ITGB3BP: variants seen among roughly 807,000 people sequenced by gnomAD.
The protein encoded by ITGB3BP is centromere protein R.
Under a neutral mutation model 29.1 loss-of-function variants are expected in ITGB3BP, and 27 were observed. That is an observed-to-expected ratio of 0.93 (90% confidence interval 0.68 to 1.28). The LOEUF is 1.28. Among genes scored for constraint, ITGB3BP ranks in the 50% most tolerant of loss-of-function variants. ITGB3BP has a pLI of 0.00. For missense variants in ITGB3BP, 192 were observed against 200.2 expected (o/e 0.96, Z 0.25); for synonymous variants, 61 against 61.4 (o/e 0.99, Z 0.03).
intron 3 of ITGB3BP, among the ~76,000 whole-genome samples, chr1:63,481,702 C>A (rs1420348668): frequency 6.6e-6 from 1 of 152,208 alleles, no homozygotes; most frequent in Non-Finnish European, 1.5e-5. Context: ...TAGCTTTCAA[C>A]AAATTGTTAA....
intron 7 of ITGB3BP, chr1:63,452,010 T>C (rs1196922674): frequency 6.6e-6 from 1 of 152,136 alleles, no homozygotes; most frequent in East Asian, 1.9e-4. Flanking sequence ...GTCTCCTCTA[T>C]GCAGGAACTC....
intron 2 of ITGB3BP, among the ~76,000 whole-genome samples, chr1:63,504,833 A>T (rs1646033516): frequency 6.6e-6 from 1 of 152,168 alleles, no homozygotes; most frequent in Non-Finnish European, 1.5e-5. Context: ...GCATATGTTG[A>T]ACCAGCCTTG....
chr1:63,479,462 T>C (rs1645400647), intron 3 of ITGB3BP, among the ~76,000 whole-genome samples: 1 of 152,198 alleles, frequency 6.6e-6, no homozygotes, highest in Non-Finnish European at 1.5e-5. Context: ...GTATGAACAC[T>C]GAAAGTCTAC....
intron 1 of ITGB3BP, among the ~76,000 whole-genome samples, chr1:63,518,559 GTTATATCTACC>G (rs1646384670): frequency 6.7e-6 from 1 of 148,726 alleles, no homozygotes; most frequent in East Asian, 2.0e-4. Flanking sequence ...CTGTTAGACT[GTTATATCTACC>G]TTTCCCTTTC....
chr1:63,472,158 A>G (rs1300793130), intron 4 of ITGB3BP, among the ~76,000 whole-genome samples: 3 of 151,320 alleles, frequency 2.0e-5, no homozygotes, highest in Non-Finnish European at 1.5e-5. Flanking sequence ...TGGCATTTCC[A>G]TTATTTTTCG....
At chr1:63,464,307 G>C (rs994624763) in intron 4 of ITGB3BP, among the ~76,000 whole-genome samples, 1 of 152,142 alleles carries the variant, frequency 6.6e-6, no homozygotes, top group Non-Finnish European at 1.5e-5. Flanking sequence ...AACAAATCTT[G>C]AATGCTTTGC....
intron 4 of ITGB3BP, among the ~76,000 whole-genome samples, chr1:63,465,725 T>C (rs1645088789): frequency 6.6e-6 from 1 of 152,154 alleles, no homozygotes; most frequent in Non-Finnish European, 1.5e-5. Flanking sequence ...CTTAAGCATC[T>C]TTTCTCCATG....
chr1:63,451,328 G>A (rs1644856881), intron 7 of ITGB3BP, among the ~76,000 whole-genome samples: 1 of 151,812 alleles, frequency 6.6e-6, no homozygotes, highest in African/African-American at 2.4e-5. Flanking sequence ...ACATATTATA[G>A]GGATGATTTT....
At chr1:63,446,579 C>A (rs182479025) in intron 8 of ITGB3BP, 1 of 496,556 alleles carries the variant, frequency 2.0e-6, no homozygotes, top group Non-Finnish European at 3.7e-6. Flanking sequence ...AAGTTAGCGT[C>A]GTCAGCTCAA....
Position 63,454,043 on chromosome 1 carries a change from AAAC to A in ITGB3BP, c.428-72_428-70del. The A allele has an allele frequency of 2.4e-6, 2 of 824,762 alleles. No homozygotes were observed. The highest frequency in any genetic ancestry group is 2.5e-4 in the Middle Eastern group (1 of 3,944). The allele number at this position is 824,762 out of a possible 1,614,324, so 51.1% of individuals were successfully genotyped here. On this transcript the variant is annotated intron_variant, in intron 6 of 8. Coordinates refer to ENST00000271002, the MANE Select transcript of ITGB3BP (RefSeq NM_014288.5). The surrounding 1 kb of genome is among the most constrained non-coding windows in gnomAD (Gnocchi z 4.1). ...TGGATAATTTCTCAATACTTGCAAC[AAAC>A]AACTTCATGAGAAAAAAATAATTCA...
At chr1:63,499,066 A>G (rs898038544) in intron 2 of ITGB3BP, among the ~76,000 whole-genome samples, 4 of 152,182 alleles carry the variant, frequency 2.6e-5, no homozygotes, top group African/African-American at 9.7e-5. Flanking sequence ...ATAAATCAAC[A>G]GCATGTAAAG....
At chr1:63,486,323 T>C (rs527835845) in intron 3 of ITGB3BP, among the ~76,000 whole-genome samples, 56 of 152,112 alleles carry the variant, frequency 3.7e-4, no homozygotes, top group Non-Finnish European at 7.4e-4. Flanking sequence ...AACTGACCCT[T>C]GAGGAACTCG....
Position 63,446,833 on chromosome 1 carries a change from C to CATAGCTGTCA in ITGB3BP, c.498_507dup (p.Glu170Ter), listed in dbSNP as rs1206143716. On this transcript the variant is annotated stop_gained and frameshift_variant, in exon 8 of 9. Coordinates refer to ENST00000271002, the MANE Select transcript of ITGB3BP (RefSeq NM_014288.5). LOFTEE classifies it high-confidence loss of function. ...CAGTTTAAAATGGCTTTAAGGAATT[C>CATAGCTGTCA]ATAGCTGTCAAGATGACGTGATGCT... is the stretch of plus-strand genomic sequence containing the variant. 1 of 1,611,386 alleles carries CATAGCTGTCA rather than the reference C, an allele frequency of 6.2e-7. No homozygotes were observed. The highest frequency in any genetic ancestry group is 8.5e-7 in the Non-Finnish European group (1 of 1,178,054).
intron 1 of ITGB3BP, among the ~76,000 whole-genome samples, chr1:63,514,921 G>T (rs911838681): frequency 7.1e-6 from 1 of 141,662 alleles, no homozygotes; most frequent in African/African-American, 2.6e-5. Flanking sequence ...ACTCCAGCCT[G>T]GTGACAGAGC....
intron 2 of ITGB3BP, among the ~76,000 whole-genome samples, chr1:63,495,494 T>C (rs1277130594): frequency 6.6e-6 from 1 of 152,180 alleles, no homozygotes; most frequent in Non-Finnish European, 1.5e-5. Flanking sequence ...GCTCCCCAGC[T>C]ATGCTATCAT....
intron 7 of ITGB3BP, chr1:63,449,276 CA>C (rs1644830920): frequency 6.6e-6 from 1 of 152,430 alleles, no homozygotes; most frequent in South Asian, 2.1e-4. Context: ...ACATACTGAG[CA>C]CCTGGATATT....
At chr1:63,523,569 G>T, upstream of ITGB3BP, 1 of 192,192 alleles carries the variant, frequency 5.2e-6, no homozygotes, top group Non-Finnish European at 1.1e-5. Flanking sequence ...GTCCAGCTGC[G>T]GTGAGAGGAA....
At chr1:63,442,067 C>T (rs1462566545) in intron 8 of ITGB3BP, among the ~76,000 whole-genome samples, 2 of 152,124 alleles carry the variant, frequency 1.3e-5, no homozygotes, top group Admixed American at 6.5e-5. Context: ...CCAGCCAGGG[C>T]GACAGAACGA....
intron 8 of ITGB3BP, among the ~76,000 whole-genome samples, chr1:63,444,460 CATATAGGATATATATAT>C (rs1644764796): frequency 2.0e-4 from 2 of 10,074 alleles, no homozygotes; most frequent in East Asian, 7.7e-3. Flanking sequence ...ATATATATTA[CATATAGGATATATATAT>C]TACATATAGG....
Sources: allele counts gnomAD v4.1 joint callset (sites outside exome capture counted in the v4.1 genomes callset), GRCh38; gene constraint gnomAD v4.1.1; non-coding constraint Gnocchi (gnomAD v3.1); transcripts MANE v1.5; gene names NCBI Gene and HGNC (gene_info 2026-07-23, HGNC 2026-07-21).